HEATR4: variants seen among roughly 807,000 people sequenced by gnomAD.
HEATR4 encodes the protein HEAT repeat-containing protein 4.
HEATR4 carries 95 observed loss-of-function variants against 108.8 expected under a neutral mutation model. That is an observed-to-expected ratio of 0.87 (90% CI 0.74 to 1.04). The LOEUF (loss-of-function observed/expected upper bound fraction) is 1.04, where lower values mean the gene tolerates loss of function less well. Ranked by LOEUF, HEATR4 falls within the 50% of genes least tolerant of loss-of-function variation. The pLI is 0.00. For missense variants in HEATR4, 1,152 were observed against 1,253.8 expected (o/e 0.92, Z 1.23); for synonymous variants, 443 against 459.4 (o/e 0.96, Z 0.46).
At chr14:73,517,078 C>T (rs963065180) in intron 5 of HEATR4, among the ~76,000 whole-genome samples, 2 of 152,000 alleles carry the variant, frequency 1.3e-5, no homozygotes, top group Admixed American at 6.5e-5. Flanking sequence ...GCCAGGAGTT[C>T]GAGACCAGTC....
chr14:73,508,048 G>T, intron 9 of HEATR4, 86 bp downstream of exon 9: 1 of 1,289,080 alleles, frequency 7.8e-7, no homozygotes, highest in Non-Finnish European at 1.1e-6. Flanking sequence ...CCCGGCCCCA[G>T]CTGCATTTCA....
At chr14:73,502,822 ACCTTGCCCAG>A (rs1380480290) in intron 11 of HEATR4, 63 bp downstream of exon 11, 1 of 1,170,520 alleles carries the variant, frequency 8.5e-7, no homozygotes, top group Non-Finnish European at 1.3e-6. Context: ...GTTGGGAGCC[ACCTTGCCCAG>A]CCTGCCTCCT....
chr14:73,589,444 C>T, the HEATR4 span, among the ~76,000 whole-genome samples: 21,620 of 152,052 alleles, frequency 0.14, 2,178 homozygotes, highest in Non-Finnish European at 0.22. Context: ...CTCAGCCTCC[C>T]AGGTAGCTGA....
the HEATR4 span, chr14:73,569,189 G>A: frequency 1.3e-6 from 2 of 1,593,474 alleles, no homozygotes; most frequent in Non-Finnish European, 1.7e-6. Flanking sequence ...GCTCACGTTA[G>A]CAGACAGCTC....
chr14:73,487,400 T>C (rs1016381820), intron 17 of HEATR4, among the ~76,000 whole-genome samples: 15 of 152,144 alleles, frequency 9.9e-5, no homozygotes, highest in African/African-American at 3.4e-4. Context: ...ACCCCATCTC[T>C]ACTAAAAATA....
the HEATR4 span, among the ~76,000 whole-genome samples, chr14:73,617,738 A>G: frequency 2.6e-5 from 4 of 152,206 alleles, no homozygotes; most frequent in East Asian, 7.7e-4. Context: ...AGACATTTGA[A>G]TGAGAATGGT....
chr14:73,503,442 G>A (rs1264590049), intron 10 of HEATR4, among the ~76,000 whole-genome samples: 7 of 152,186 alleles, frequency 4.6e-5, no homozygotes, highest in Non-Finnish European at 1.0e-4. Flanking sequence ...AACCAGAACA[G>A]TTGGTCACTC....
intron 17 of HEATR4, among the ~76,000 whole-genome samples, chr14:73,484,843 C>T (rs200433102): frequency 6.6e-6 from 1 of 151,366 alleles, no homozygotes; most frequent in Non-Finnish European, 1.5e-5. Context: ...GACACACACA[C>T]ACACACACAC....
At chr14:73,534,202 A>G (rs1463747979) in intron 1 of HEATR4, among the ~76,000 whole-genome samples, 2 of 112,242 alleles carry the variant, frequency 1.8e-5, no homozygotes, top group African/African-American at 5.8e-5. Context: ...AACATGGTGA[A>G]ACCTCGTCTT....
intron 6 of HEATR4, among the ~76,000 whole-genome samples, chr14:73,513,496 C>T (rs1256596994): frequency 2.0e-5 from 3 of 151,242 alleles, no homozygotes; most frequent in South Asian, 2.1e-4. Context: ...GTGGCCAAGG[C>T]GGGCAGATCA....
chr14:73,564,208 G>C, the HEATR4 span, among the ~76,000 whole-genome samples: 20 of 151,512 alleles, frequency 1.3e-4, no homozygotes, highest in Non-Finnish European at 2.4e-4. Flanking sequence ...TGAGGCAGGT[G>C]AATCGCTGGA....
the HEATR4 span, among the ~76,000 whole-genome samples, chr14:73,590,849 C>G: frequency 6.6e-6 from 1 of 152,188 alleles, no homozygotes; most frequent in Non-Finnish European, 1.5e-5. Context: ...AGGGAGCCGA[C>G]TCCGGCCTTG....
the HEATR4 span, among the ~76,000 whole-genome samples, chr14:73,618,696 G>A: frequency 6.6e-6 from 1 of 152,162 alleles, no homozygotes; most frequent in African/African-American, 2.4e-5. Context: ...TAGGGTGTCT[G>A]GGCCTCTGTG....
chr14:73,577,987 A>G, the HEATR4 span, among the ~76,000 whole-genome samples: 1 of 151,744 alleles, frequency 6.6e-6, no homozygotes, highest in Non-Finnish European at 1.5e-5. Context: ...AGTAGCTGGG[A>G]ATACAGGCAC....
the HEATR4 span, among the ~76,000 whole-genome samples, chr14:73,576,793 CAAAAAAAA>C: frequency 6.9e-3 from 84 of 12,096 alleles, 1 homozygote; most frequent in African/African-American, 0.017. Flanking sequence ...GACACAGTCT[CAAAAAAAA>C]AAAAAAAAAA....
At chr14:73,605,557 T>A in the HEATR4 span, among the ~76,000 whole-genome samples, 2 of 25,446 alleles carry the variant, frequency 7.9e-5, no homozygotes, top group Admixed American at 4.1e-4. Flanking sequence ...TGTAAGATTC[T>A]TTTTTTTTTT....
intron 1 of HEATR4, among the ~76,000 whole-genome samples, chr14:73,544,879 G>A (rs55702307): frequency 0.34 from 36,834 of 109,774 alleles, 14,196 homozygotes; most frequent in Admixed American, 0.48. Flanking sequence ...AGTGAGCCGA[G>A]ATTGTGCTAC....
chr14:73,492,054 C>A lies in HEATR4; in HGVS notation c.2844+1012G>T. On this transcript the variant is annotated intron_variant, in intron 17 of 17. Transcript: ENST00000553558. The surrounding 1 kb of genome is among the most constrained non-coding windows in gnomAD (Gnocchi z 4.9). ...GCCCCCCACTACGACGACATCGAGG[C>A]CTTCGTGCTGCAGCTGGAAGGTAGG... 6.2e-7 allele frequency: 1 copy of A among 1,614,014 alleles called. No homozygotes were observed. The highest frequency in any genetic ancestry group is 8.5e-7 in the Non-Finnish European group (1 of 1,179,898).
chr14:73,520,635 A>T, intron 4 of HEATR4: 1 of 485,708 alleles, frequency 2.1e-6, no homozygotes, highest in Non-Finnish European at 3.6e-6. Context: ...AGATAGAGGG[A>T]TAGAGAAAGC....
Sources: allele counts gnomAD v4.1 joint callset (sites outside exome capture counted in the v4.1 genomes callset), GRCh38; gene constraint gnomAD v4.1.1; non-coding constraint Gnocchi (gnomAD v3.1); transcripts MANE v1.5; gene names NCBI Gene and HGNC (gene_info 2026-07-23, HGNC 2026-07-21).